KIDINS220: variants seen among roughly 807,000 people sequenced by gnomAD.
KIDINS220 encodes the protein kinase D-interacting substrate of 220 kDa.
In KIDINS220, 63 loss-of-function variants were observed where a neutral mutation model predicts 157.6. That is an observed-to-expected ratio of 0.40 (90% CI 0.33 to 0.49). The LOEUF (loss-of-function observed/expected upper bound fraction) is 0.49, where lower values mean the gene tolerates loss of function less well. KIDINS220 is among the 20% of genes least tolerant of loss of function. KIDINS220 has a pLI of 0.66. For missense variants in KIDINS220, 1,772 were observed against 2,171.2 expected, an observed-to-expected ratio of 0.82 and a Z score of 3.65; for synonymous variants, 732 against 783.6, an observed-to-expected ratio of 0.93 and a Z score of 1.10.
chr2:8,787,115 AT>A (rs1347835015), intron 15 of KIDINS220, among the ~76,000 whole-genome samples: 4 of 151,928 alleles, frequency 2.6e-5, no homozygotes, highest in Admixed American at 1.3e-4. Flanking sequence ...AAAAAAAAAA[AT>A]ACCACCTCAT....
Position 8,779,006 on chromosome 2 carries a change from C to T in KIDINS220, c.2504G>A (p.Arg835His), listed in dbSNP as rs769535395. 16 of 1,614,104 alleles carry T rather than the reference C, an allele frequency of 9.9e-6. No homozygotes were observed. The highest frequency in any genetic ancestry group is 2.2e-5 in the East Asian group (1 of 44,884). ...DSNINGHDYM[R>H]NIVHLPVFLN... ...GAACACAGGCAAGTGGACTATGTTG[C>T]GCATGTAGTCATGGCCATTTATATT... Residue 835 changes from arginine (R) to histidine (H), a missense_variant, in exon 19 of 30, where the codon CGC (arginine) becomes CAC (histidine). Around this residue, in one of 3 missense-constraint regions of KIDINS220, gnomAD observed 725 missense variants for 1,017.1 expected, o/e 0.71. Transcript: ENST00000256707.
At chr2:8,732,007 T>C in intron 29 of KIDINS220, 25 bp from the exon 30 acceptor site, 1 of 1,521,312 alleles carries the variant, frequency 6.6e-7, no homozygotes, top group Non-Finnish European at 8.8e-7. Flanking sequence ...AAAAAATAAT[T>C]TAAAAATTCA....
intron 17 of KIDINS220, among the ~76,000 whole-genome samples, chr2:8,780,902 A>C (rs1041188272): frequency 6.6e-6 from 1 of 151,794 alleles, no homozygotes; most frequent in Non-Finnish European, 1.5e-5. Flanking sequence ...AACAAATAGA[A>C]AACAGTAACA....
chr2:8,807,383 C>T (rs184337817), intron 6 of KIDINS220, among the ~76,000 whole-genome samples: 1 of 152,322 alleles, frequency 6.6e-6, no homozygotes, highest in Admixed American at 6.5e-5. Context: ...ATTTAATCTA[C>T]TCTCTGTGAC....
downstream of KIDINS220, chr2:8,724,186 G>GAA (rs1490093752): frequency 2.0e-5 from 3 of 152,462 alleles, no homozygotes; most frequent in Non-Finnish European, 4.4e-5. The surrounding 1 kb of genome is among the most constrained non-coding windows in gnomAD (Gnocchi z 4.6). Flanking sequence ...AGGGTGGGCA[G>GAA]AAAGTGAGAG....
At chr2:8,834,797 A>G (rs938173339) in intron 1 of KIDINS220, among the ~76,000 whole-genome samples, 4 of 152,188 alleles carry the variant, frequency 2.6e-5, no homozygotes, top group Admixed American at 6.5e-5. Flanking sequence ...CGGGTCACCT[A>G]TAAACTAACT....
At chr2:8,751,263 T>C (rs986898396) in intron 23 of KIDINS220, among the ~76,000 whole-genome samples, 1 of 151,174 alleles carries the variant, frequency 6.6e-6, no homozygotes, top group African/African-American at 2.4e-5. Context: ...TTTCTTTTTT[T>C]TTTTTTTTGT....
intron 7 of KIDINS220, 51 bp downstream of exon 7, chr2:8,806,220 A>C: frequency 2.2e-6 from 3 of 1,356,078 alleles, no homozygotes; most frequent in Non-Finnish European, 3.1e-6. Flanking sequence ...TCTCTCTCTT[A>C]AAATAAAAAA....
At chr2:8,764,287 G>T (rs1198126490) in intron 22 of KIDINS220, among the ~76,000 whole-genome samples, 1 of 151,882 alleles carries the variant, frequency 6.6e-6, no homozygotes, top group African/African-American at 2.4e-5. Context: ...CTACATATTG[G>T]GTACAATCCA....
intron 23 of KIDINS220, among the ~76,000 whole-genome samples, chr2:8,750,994 C>G (rs1399736993): frequency 2.6e-5 from 4 of 152,208 alleles, no homozygotes; most frequent in African/African-American, 9.7e-5. Context: ...CTTAATGTCA[C>G]TACCCTGAAG....
chr2:8,799,154 C>T (rs2148314818), intron 9 of KIDINS220, among the ~76,000 whole-genome samples: 1 of 152,244 alleles, frequency 6.6e-6, no homozygotes, highest in East Asian at 1.9e-4. Flanking sequence ...CATCCCACTG[C>T]CCAATGCCAA....
chr2:8,780,880 C>G (rs551882952), intron 17 of KIDINS220, among the ~76,000 whole-genome samples: 1 of 151,200 alleles, frequency 6.6e-6, no homozygotes, highest in Non-Finnish European at 1.5e-5. Context: ...AAAATAGGAA[C>G]AAAAATCAAG....
chr2:8,813,446 T>C (rs530359081), intron 4 of KIDINS220, 111 bp from the exon 5 acceptor site: 18 of 746,818 alleles, frequency 2.4e-5, no homozygotes, highest in African/African-American at 2.3e-4. Context: ...CATTGTTTCA[T>C]GATGGTAGTA....
chr2:8,731,358 C>A lies in KIDINS220; in HGVS notation c.4678G>T (p.Ala1560Ser). 1 of 1,614,216 alleles carries A rather than the reference C, an allele frequency of 6.2e-7. No individual in the cohort carries two copies. Among genetic ancestry groups the A allele is most frequent in the Non-Finnish European group, 8.5e-7 (1 of 1,180,038 alleles). The change falls in exon 30 of 30, where the codon GCT (alanine) becomes TCT (serine). Residue 1560 changes from alanine to serine, a missense_variant. Around this residue, in one of 3 missense-constraint regions of KIDINS220, gnomAD observed 793 missense variants for 885.5 expected, o/e 0.90. Coordinates refer to ENST00000256707, the MANE Select transcript of KIDINS220 (RefSeq NM_020738.4). This position sits in a 1 kb window ranked among gnomAD's most constrained non-coding sequence, Gnocchi z 5.2. ...TTAATGAAGGTTCTGATCGGCTCAG[C>A]ACTGTGTTCTGGAGACTTCGGCACT... ...ERVPKSPEHS[A>S]EPIRTFIKAK... is the part of the protein sequence containing the mutation.
intron 26 of KIDINS220, among the ~76,000 whole-genome samples, chr2:8,741,109 A>T (rs1665562053): frequency 6.6e-6 from 1 of 152,234 alleles, no homozygotes; most frequent in South Asian, 2.1e-4. Context: ...CCAAAATAGG[A>T]GTGCTAAGGA....
chr2:8,793,670 G>A (rs1673510125), intron 12 of KIDINS220, 140 bp downstream of exon 12: 4 of 681,416 alleles, frequency 5.9e-6, no homozygotes, highest in African/African-American at 3.6e-5. Context: ...AACTCCTGGG[G>A]TCAAGCAATC....
rs757136961 is a variant in KIDINS220 at position 8,736,860 on chromosome 2, TG to T, written c.3717+7del. 1 of 1,614,052 alleles carries T rather than the reference TG, an allele frequency of 6.2e-7. No individual in the cohort carries two copies. The highest frequency in any genetic ancestry group is 1.1e-5 in the South Asian group (1 of 91,074). On this transcript the variant is annotated splice_region_variant and intron_variant, in intron 27 of 29. Transcript: ENST00000256707. Reference sequence around the variant, plus strand: ...TGTCTCTGGTCCGTGTGTAAGTGGCTGCCTCACCTTTTTGATCGTGGTACAA... The same window carrying T: ...TGTCTCTGGTCCGTGTGTAAGTGGCTCCTCACCTTTTTGATCGTGGTACAA...
rs1381317436 is a variant in KIDINS220 at position 8,789,516 on chromosome 2, C to T, written c.1621+364G>A. ...TGTCAGCCAGGATGGTCTCGATCTCCTGACCTTACGATCTGCCCGCCTTGG... is the reference window on the plus strand; with the variant it reads ...TGTCAGCCAGGATGGTCTCGATCTCTTGACCTTACGATCTGCCCGCCTTGG... On this transcript the variant is annotated intron_variant, in intron 14 of 29. Transcript: ENST00000256707. 3.9e-5 allele frequency among the ~76,000 whole-genome samples: 6 copies of T among 152,104 alleles called. 1 individual carries two copies. The highest frequency in any genetic ancestry group is 7.4e-5 in the Non-Finnish European group (5 of 68,024).
chr2:8,746,705 ATC>A (rs1411937028), intron 26 of KIDINS220: 1 of 156,716 alleles, frequency 6.4e-6, no homozygotes, highest in African/African-American at 2.4e-5. Flanking sequence ...AGTCTACACC[ATC>A]TAGCTTATGT....
Sources: gnomAD v4.1 joint callset for allele counts (sites outside exome capture counted in the v4.1 genomes callset) on GRCh38, gnomAD v4.1.1 for gene constraint, gnomAD v4.1.1 regional missense constraint, Gnocchi (gnomAD v3.1) non-coding constraint, MANE v1.5 for transcripts, NCBI Gene and HGNC (gene_info 2026-07-23, HGNC 2026-07-21) for gene names.